The following HECTD2 variants were observed in gnomAD, a reference collection of about 807,000 sequenced individuals.
HECTD2 encodes HECT domain E3 ubiquitin protein ligase 2, also known as probable E3 ubiquitin-protein ligase HECTD2.
HECTD2 carries 35 observed loss-of-function variants against 103.2 expected under a neutral mutation model. That is an observed-to-expected ratio of 0.34 (90% CI 0.26 to 0.45). The LOEUF is 0.45. Among genes scored for constraint, HECTD2 ranks in the 20% least tolerant of loss-of-function variants. The probability of loss-of-function intolerance (pLI) is 1.00; values close to 1 mark genes in which losing one functional copy is unlikely to be tolerated. For synonymous variants in HECTD2, 281 were observed against 329.9 expected (o/e 0.85, Z 1.61); for missense variants, 596 against 937.4 (o/e 0.64, Z 4.76).
At chr10:91,507,511 C>T (rs1410238412) in intron 20 of HECTD2, among the ~76,000 whole-genome samples, 2 of 152,194 alleles carry the variant, frequency 1.3e-5, no homozygotes, top group Non-Finnish European at 2.9e-5. Flanking sequence ...TGAGTGAACT[C>T]CCATTCACAA....
At chr10:91,491,045 T>C (rs1437945016) in intron 11 of HECTD2, among the ~76,000 whole-genome samples, 155 bp from the exon 12 acceptor site, 2 of 152,094 alleles carry the variant, frequency 1.3e-5, no homozygotes, top group Non-Finnish European at 2.9e-5. Flanking sequence ...TAAGCCATTT[T>C]CACAAATCAA....
chr10:91,503,211 T>C (rs1007776427), intron 20 of HECTD2, among the ~76,000 whole-genome samples: 2 of 152,308 alleles, frequency 1.3e-5, no homozygotes, highest in Admixed American at 1.3e-4. Flanking sequence ...CACAATGAGA[T>C]ACCATCTCAC....
chr10:91,493,368 ATTT>A (rs1048673845), intron 13 of HECTD2, 49 bp from the exon 14 acceptor site: 2 of 991,948 alleles, frequency 2.0e-6, no homozygotes, highest in Non-Finnish European at 2.9e-6. Context: ...TACCACTTTG[ATTT>A]TTTTAAGTCA....
chr10:91,425,272 T>C lies in HECTD2; in HGVS notation c.139-9T>C, dbSNP rs776927620. ...AAGTATACTGCAATGTTAACTTTTC[T>C]GTTTTCAGGGTTTGGACAGAGGAGC... On this transcript the variant is annotated splice_polypyrimidine_tract_variant and intron_variant, in intron 1 of 20. Coordinates refer to ENST00000298068, the MANE Select transcript of HECTD2 (RefSeq NM_182765.6). 1.4e-6 allele frequency: 2 copies of C among 1,466,492 alleles called. No individual in the cohort carries two copies. The highest frequency in any genetic ancestry group is 1.8e-6 in the Non-Finnish European group (2 of 1,099,944). The allele number at this position is 1,466,492 out of a possible 1,614,324, so 90.8% of individuals were successfully genotyped here. A position where few individuals can be genotyped will look rare whatever the true frequency, so the allele number is the denominator to read the frequency against.
At chr10:91,454,889 G>A (rs1433421828) in intron 2 of HECTD2, among the ~76,000 whole-genome samples, 2 of 152,062 alleles carry the variant, frequency 1.3e-5, no homozygotes, top group African/African-American at 2.4e-5. Context: ...TCCCTACAAA[G>A]GACATGAACT....
At chr10:91,427,801 G>A (rs1055269667) in intron 2 of HECTD2, among the ~76,000 whole-genome samples, 17 of 151,702 alleles carry the variant, frequency 1.1e-4, no homozygotes, top group African/African-American at 3.6e-4. Context: ...TGTAGGTTGC[G>A]AAAAATTTTT....
Position 91,453,717 on chromosome 10 carries a change from G to A in HECTD2, c.269-6710G>A, listed in dbSNP as rs145074472. On this transcript the variant is annotated intron_variant, in intron 2 of 20. Coordinates refer to ENST00000298068, the MANE Select transcript of HECTD2 (RefSeq NM_182765.6). The stretch of plus-strand genomic sequence containing the variant: ...TACCTTATTAAAAATTACATTAAAT[G>A]TAAATGGTCTAAATAAAAGATATTG... Among the ~76,000 whole-genome samples the A allele has an allele frequency of 2.7e-3, 415 of 152,162 alleles. 2 individuals are homozygous for A. The highest frequency in any genetic ancestry group is 3.1e-3 in the Non-Finnish European group (211 of 67,990).
intron 5 of HECTD2, among the ~76,000 whole-genome samples, chr10:91,467,824 C>T (rs970211141): frequency 6.6e-6 from 1 of 152,132 alleles, no homozygotes; most frequent in Non-Finnish European, 1.5e-5. Context: ...GGCATGTGGG[C>T]ACCCAATCAT....
intron 1 of HECTD2, among the ~76,000 whole-genome samples, chr10:91,417,593 C>T (rs1023420239): frequency 6.6e-6 from 1 of 151,708 alleles, no homozygotes; most frequent in African/African-American, 2.4e-5. Context: ...TCAGTTCCCA[C>T]CTACGAGTGA....
Position 91,512,239 on chromosome 10 carries a change from ATTTTTT to A in HECTD2, c.2211-21_2211-16del. 6.3e-7 allele frequency: 1 copy of A among 1,589,902 alleles called. No homozygotes were observed. Among genetic ancestry groups the A allele is most frequent in the Non-Finnish European group, 8.6e-7 (1 of 1,164,404 alleles). ...TTTTGTGTGTGTTTCAAGACTTAGTATTTTTTTTTAATTTTTTTCCCTAGCTTACCT... is the reference window on the plus strand; with the variant it reads ...TTTTGTGTGTGTTTCAAGACTTAGTATTTAATTTTTTTCCCTAGCTTACCT... On this transcript the variant is annotated intron_variant, in intron 20 of 20. Coordinates refer to ENST00000298068, the MANE Select transcript of HECTD2 (RefSeq NM_182765.6).
intron 2 of HECTD2, among the ~76,000 whole-genome samples, chr10:91,459,878 T>C (rs980364247): frequency 6.6e-5 from 10 of 152,122 alleles, no homozygotes; most frequent in African/African-American, 1.2e-4. Context: ...TATACAGATA[T>C]GTAGCCTGGG....
intron 16 of HECTD2, 76 bp from the exon 17 acceptor site, chr10:91,498,796 A>T (rs1846780946): frequency 3.4e-6 from 3 of 877,826 alleles, no homozygotes; most frequent in East Asian, 2.6e-5. Flanking sequence ...ACTGTTTTTT[A>T]AATTTTACAA....
intron 2 of HECTD2, among the ~76,000 whole-genome samples, chr10:91,449,351 A>G (rs1276372529): frequency 6.6e-6 from 1 of 152,182 alleles, no homozygotes; most frequent in East Asian, 1.9e-4. Flanking sequence ...ACACTTTTTT[A>G]TACTAAAATC....
At chr10:91,479,535 C>A (rs1846019868) in intron 6 of HECTD2, among the ~76,000 whole-genome samples, 1 of 152,044 alleles carries the variant, frequency 6.6e-6, no homozygotes, top group East Asian at 1.9e-4. Context: ...CCTTCTTAAA[C>A]CACACTTTTA....
In HECTD2 at chr10:91,512,611, G is replaced by C; in HGVS notation, c.*227G>C. On this transcript the variant is annotated 3_prime_UTR_variant, in exon 21 of 21. Coordinates refer to ENST00000298068, the MANE Select transcript of HECTD2 (RefSeq NM_182765.6). ...AGGAAAAGTCCACATGGCAGAGACA[G>C]GTATGGTCCAGTTCCTCTTTTATAT... is the stretch of plus-strand genomic sequence containing the variant. The C allele has an allele frequency of 2.1e-6, 1 of 479,426 alleles. No homozygotes were observed. The allele number at this position is 479,426 out of a possible 1,614,324, so 29.7% of individuals were successfully genotyped here.
chr10:91,410,790 G>A (rs75727580), intron 1 of HECTD2, among the ~76,000 whole-genome samples: 3,237 of 152,264 alleles, frequency 0.021, 38 homozygotes, highest in Middle Eastern at 0.037. Context: ...TACCACCCTC[G>A]GGAAATGTTG....
At chr10:91,490,847 C>T (rs940208411) in intron 11 of HECTD2, among the ~76,000 whole-genome samples, 9 of 135,556 alleles carry the variant, frequency 6.6e-5, no homozygotes, top group Admixed American at 1.6e-4. Context: ...GCCGGGATAG[C>T]GCCACTGCAG....
intron 18 of HECTD2, among the ~76,000 whole-genome samples, chr10:91,499,996 A>T (rs1344320770): frequency 6.6e-6 from 1 of 152,214 alleles, no homozygotes; most frequent in East Asian, 1.9e-4. Context: ...GAGTGGACAG[A>T]GGGAAAATAA....
intron 11 of HECTD2, chr10:91,490,055 G>C (rs951086379): frequency 6.6e-6 from 1 of 151,934 alleles, no homozygotes; most frequent in African/African-American, 2.4e-5. Context: ...TACCTATTCA[G>C]TGCTTATATT....
Sources: gnomAD v4.1 joint callset for allele counts (sites outside exome capture counted in the v4.1 genomes callset) on GRCh38, gnomAD v4.1.1 for gene constraint, MANE v1.5 for transcripts, NCBI Gene and HGNC (gene_info 2026-07-23, HGNC 2026-07-21) for gene names.